SESTD1: variants seen among roughly 807,000 people sequenced by gnomAD.
SESTD1 encodes SEC14 domain and spectrin repeat-containing protein 1.
Under a neutral mutation model 101.7 loss-of-function variants are expected in SESTD1, and 43 were observed. The ratio of observed to expected loss-of-function variants is 0.42; its 90% CI spans 0.33 to 0.55. The LOEUF (loss-of-function observed/expected upper bound fraction) is 0.55, where lower values mean the gene tolerates loss of function less well. Among genes scored for constraint, SESTD1 ranks in the 20% least tolerant of loss-of-function variants. The pLI, the probability that SESTD1 is intolerant of heterozygous loss-of-function variation, is 0.07. For synonymous variants in SESTD1, 283 were observed against 286.8 expected, an observed-to-expected ratio of 0.99 and a Z score of 0.13; for missense variants, 647 against 815.1, an observed-to-expected ratio of 0.79 and a Z score of 2.51.
At chr2:179,172,377 C>G in intron 4 of SESTD1, 144 bp from the exon 5 acceptor site, 1 of 502,750 alleles carries the variant, frequency 2.0e-6, no homozygotes. Flanking sequence ...ATTCTCTAGA[C>G]TTCAAAACAT....
At chr2:179,166,269 A>C (rs2045832821) in intron 5 of SESTD1, among the ~76,000 whole-genome samples, 1 of 152,132 alleles carries the variant, frequency 6.6e-6, no homozygotes. Flanking sequence ...AGATTTGAAA[A>C]AGCCTCTCTT....
chr2:179,109,772 T>G lies in SESTD1; in HGVS notation c.*127A>C. ...CAAGGTGTTAACATGTAAAGAGAAA[T>G]GTGTCATGAAAAGAAATGAGACTTA... is the stretch of plus-strand genomic sequence containing the variant. On this transcript the variant is annotated 3_prime_UTR_variant, in exon 18 of 18. Transcript: ENST00000428443. 1 of 1,214,728 alleles carries G rather than the reference T, an allele frequency of 8.2e-7. No individual in the cohort carries two copies. Among genetic ancestry groups the G allele is most frequent in the African/African-American group, 1.5e-5 (1 of 66,236 alleles). 75.2% of individuals were successfully genotyped at this position (1,214,728 alleles called of 1,614,324 possible).
intron 1 of SESTD1, among the ~76,000 whole-genome samples, chr2:179,253,543 T>C (rs1371528010): frequency 6.6e-6 from 1 of 152,074 alleles, no homozygotes; most frequent in Non-Finnish European, 1.5e-5. Flanking sequence ...TATTTAAAAA[T>C]AGAAAAGATG....
intron 2 of SESTD1, among the ~76,000 whole-genome samples, chr2:179,186,512 TATC>T (rs1163108944): frequency 2.0e-5 from 3 of 152,166 alleles, no homozygotes; most frequent in Admixed American, 6.6e-5. Context: ...AGAAGACAGT[TATC>T]ATAAAAACTA....
chr2:179,189,906 G>T (rs905327394), intron 2 of SESTD1, among the ~76,000 whole-genome samples: 3 of 152,138 alleles, frequency 2.0e-5, no homozygotes, highest in South Asian at 2.1e-4. Context: ...ACTGCTGAAA[G>T]AAATAACAGA....
At chr2:179,223,224 A>T (rs146310967) in intron 1 of SESTD1, among the ~76,000 whole-genome samples, 1 of 152,286 alleles carries the variant, frequency 6.6e-6, no homozygotes, top group East Asian at 1.9e-4. Context: ...AAAATTCAGA[A>T]TAGGCAAATC....
At chr2:179,158,475 G>T (rs1187849587) in intron 5 of SESTD1, among the ~76,000 whole-genome samples, 1 of 152,142 alleles carries the variant, frequency 6.6e-6, no homozygotes, top group African/African-American at 2.4e-5. Flanking sequence ...TACAACGGAA[G>T]TTTATTTCCA....
intron 1 of SESTD1, among the ~76,000 whole-genome samples, chr2:179,216,031 T>C (rs1269346437): frequency 1.5e-5 from 2 of 135,172 alleles, no homozygotes; most frequent in East Asian, 2.0e-4. Context: ...GCCAATATCA[T>C]AGTGAATGGG....
intron 5 of SESTD1, among the ~76,000 whole-genome samples, chr2:179,159,095 T>C (rs2045683636): frequency 6.6e-6 from 1 of 152,190 alleles, no homozygotes; most frequent in Non-Finnish European, 1.5e-5. Flanking sequence ...GGAAAAGACA[T>C]TTAAGAGTGT....
chr2:179,196,268 C>G (rs1042875281), intron 1 of SESTD1, among the ~76,000 whole-genome samples: 9 of 152,208 alleles, frequency 5.9e-5, no homozygotes, highest in African/African-American at 2.2e-4. Flanking sequence ...AAACGGCGCA[C>G]CAGGAGATTA....
intron 9 of SESTD1, among the ~76,000 whole-genome samples, chr2:179,134,874 T>C (rs1399436026): frequency 6.6e-6 from 1 of 152,188 alleles, no homozygotes; most frequent in African/African-American, 2.4e-5. Context: ...ATCTGAAACA[T>C]CCACCAATTA....
chr2:179,226,047 T>C (rs1213581499), intron 1 of SESTD1, among the ~76,000 whole-genome samples: 3 of 152,224 alleles, frequency 2.0e-5, no homozygotes, highest in Non-Finnish European at 4.4e-5. Flanking sequence ...CCTATGTTTC[T>C]GTATGTTTGA....
At chr2:179,119,687 T>C (rs2044706001) in intron 13 of SESTD1, among the ~76,000 whole-genome samples, 1 of 152,194 alleles carries the variant, frequency 6.6e-6, no homozygotes, top group South Asian at 2.1e-4. Context: ...TGGTGGGAGA[T>C]GACTGGATCA....
chr2:179,156,968 G>A (rs1354258904), intron 5 of SESTD1, among the ~76,000 whole-genome samples: 1 of 152,098 alleles, frequency 6.6e-6, no homozygotes, highest in Admixed American at 6.5e-5. Context: ...TTAGATTTAA[G>A]TCCTTAATCC....
At chr2:179,130,243 T>C (rs1330982051) in intron 10 of SESTD1, among the ~76,000 whole-genome samples, 1 of 152,132 alleles carries the variant, frequency 6.6e-6, no homozygotes, top group African/African-American at 2.4e-5. Context: ...GTCTTAACAA[T>C]AGTCCAACTA....
intron 1 of SESTD1, among the ~76,000 whole-genome samples, chr2:179,199,145 T>C (rs1383920252): frequency 6.6e-6 from 1 of 151,938 alleles, no homozygotes. Flanking sequence ...CCCACAGAAA[T>C]ACAAACTACC....
intron 16 of SESTD1, among the ~76,000 whole-genome samples, chr2:179,113,326 CAAAT>C (rs1027765621): frequency 2.6e-5 from 4 of 152,080 alleles, no homozygotes; most frequent in Admixed American, 1.3e-4. Flanking sequence ...ACAAAGAGTA[CAAAT>C]AAATAACTGA....
chr2:179,244,407 C>T (rs144980894), intron 1 of SESTD1, among the ~76,000 whole-genome samples: 1,536 of 150,396 alleles, frequency 0.01, 26 homozygotes, highest in African/African-American at 0.032. Flanking sequence ...TGCAGTGAGC[C>T]GAGATCACAC....
At chr2:179,114,981 T>C (rs1167545448) in intron 16 of SESTD1, 84 bp downstream of exon 16, 12 of 1,148,844 alleles carry the variant, frequency 1.0e-5, no homozygotes, top group African/African-American at 4.8e-5. Context: ...AGATTAGTCA[T>C]ATAGTTACAT....
Sources: allele counts gnomAD v4.1 joint callset (sites outside exome capture counted in the v4.1 genomes callset), GRCh38; gene constraint gnomAD v4.1.1; transcripts MANE v1.5; gene names NCBI Gene and HGNC (gene_info 2026-07-23, HGNC 2026-07-21).